Variants in LYPD6B observed in about 807,000 individuals in gnomAD.
LYPD6B encodes LY6/PLAUR domain containing 6B, also known as ly6/PLAUR domain-containing protein 6B.
LYPD6B carries 17 observed loss-of-function variants against 22.8 expected under a neutral mutation model. The ratio of observed to expected loss-of-function variants is 0.75; its 90% CI spans 0.51 to 1.12. The LOEUF (loss-of-function observed/expected upper bound fraction) is 1.12. Ranked by LOEUF, LYPD6B falls within the 50% of genes most tolerant of loss-of-function variation. The probability of loss-of-function intolerance (pLI) is 0.00; values close to 1 mark genes in which losing one functional copy is unlikely to be tolerated. For missense variants in LYPD6B, 221 were observed against 258.3 expected (o/e 0.86, Z 0.99); for synonymous variants, 106 against 91.6 (o/e 1.16, Z -0.90).
intron 2 of LYPD6B, among the ~76,000 whole-genome samples, chr2:149,141,783 C>A (rs1158862460): frequency 6.6e-6 from 1 of 152,146 alleles, no homozygotes; most frequent in African/African-American, 2.4e-5. Flanking sequence ...GTCTCATAGT[C>A]CTGGAGGTTA....
chr2:149,140,298 C>T (rs761743615), intron 2 of LYPD6B, among the ~76,000 whole-genome samples: 5 of 152,124 alleles, frequency 3.3e-5, no homozygotes, highest in African/African-American at 4.8e-5. Flanking sequence ...TGTGGTTCAG[C>T]GCTTTGCATG....
chr2:149,175,047 C>T (rs1691177461), intron 3 of LYPD6B, among the ~76,000 whole-genome samples: 1 of 134,080 alleles, frequency 7.5e-6, no homozygotes, highest in Non-Finnish European at 1.6e-5. Context: ...CTCTCTCTCT[C>T]TCTCTCTCTC....
intron 2 of LYPD6B, among the ~76,000 whole-genome samples, chr2:149,134,384 T>C (rs1688227594): frequency 6.6e-6 from 1 of 152,222 alleles, no homozygotes; most frequent in Non-Finnish European, 1.5e-5. Flanking sequence ...TCATTATATT[T>C]CGATTACATG....
At chr2:149,186,168 A>G (rs1030004523) in intron 3 of LYPD6B, among the ~76,000 whole-genome samples, 1 of 152,264 alleles carries the variant, frequency 6.6e-6, no homozygotes, top group Admixed American at 6.5e-5. Flanking sequence ...AGACAGGCTG[A>G]AAGCTCGGCC....
At chr2:149,103,209 A>T (rs183656263) in intron 1 of LYPD6B, among the ~76,000 whole-genome samples, 45 of 152,282 alleles carry the variant, frequency 3.0e-4, no homozygotes, top group Admixed American at 7.8e-4. Flanking sequence ...CATGGTGGAG[A>T]TGAGTGCAGT....
intron 2 of LYPD6B, among the ~76,000 whole-genome samples, chr2:149,144,436 G>T (rs1046204546): frequency 6.6e-5 from 10 of 152,106 alleles, no homozygotes; most frequent in African/African-American, 2.4e-4. Context: ...CTGTCACCCA[G>T]GCTGGAATGC....
chr2:149,138,856 A>C (rs758060137), intron 2 of LYPD6B, among the ~76,000 whole-genome samples: 5 of 152,246 alleles, frequency 3.3e-5, no homozygotes, highest in Non-Finnish European at 7.3e-5. Context: ...GGCCATCAGC[A>C]GAGGACTTTA....
intron 3 of LYPD6B, among the ~76,000 whole-genome samples, chr2:149,195,878 G>A (rs993962710): frequency 2.2e-4 from 33 of 152,218 alleles, no homozygotes; most frequent in Middle Eastern, 3.4e-3. Flanking sequence ...TACTGATAGG[G>A]AAACAGTCTC....
intron 3 of LYPD6B, among the ~76,000 whole-genome samples, chr2:149,178,598 A>C (rs886933670): frequency 1.3e-5 from 2 of 152,168 alleles, no homozygotes; most frequent in Admixed American, 6.5e-5. Flanking sequence ...TGGCAGCCTA[A>C]CTCACCTTGC....
At chr2:149,168,750 AAT>A (rs1690609520) in intron 3 of LYPD6B, among the ~76,000 whole-genome samples, 1 of 152,216 alleles carries the variant, frequency 6.6e-6, no homozygotes, top group South Asian at 2.1e-4. Context: ...TTTGGACAAT[AAT>A]ATAACCTGCA....
chr2:149,210,710 G>T (rs115783283), intron 5 of LYPD6B, among the ~76,000 whole-genome samples: 256 of 152,252 alleles, frequency 1.7e-3, no homozygotes, highest in African/African-American at 6.0e-3. Context: ...TGACTTTTTA[G>T]GGCTGCCTTA....
chr2:149,150,098 C>T (rs1418297178), intron 2 of LYPD6B, among the ~76,000 whole-genome samples: 1 of 152,178 alleles, frequency 6.6e-6, no homozygotes, highest in Non-Finnish European at 1.5e-5. Context: ...ATCACCTACT[C>T]CCTTCTTGTA....
At chr2:149,136,914 T>C in intron 2 of LYPD6B, among the ~76,000 whole-genome samples, 1 of 152,300 alleles carries the variant, frequency 6.6e-6, no homozygotes, top group Non-Finnish European at 1.5e-5. Context: ...TGGGCCAAGA[T>C]AGAGAAAGAG....
At chr2:149,146,533 T>A (rs1236208833) in intron 2 of LYPD6B, among the ~76,000 whole-genome samples, 5 of 151,818 alleles carry the variant, frequency 3.3e-5, no homozygotes, top group Admixed American at 6.6e-5. Flanking sequence ...GTGAAAGGAG[T>A]TTGCATTTGT....
rs79840220 is a variant in LYPD6B, at chr2:149,127,653, T to C, written c.-66-3230T>C. On this transcript the variant is annotated intron_variant, in intron 1 of 6. Transcript: ENST00000409642. ...TACTTTCTTGGGACATTTTCTTTAA[T>C]TTTTTGGTGGTCATAAATGCATTAT... Among the ~76,000 whole-genome samples, 330 of 152,338 alleles carry C rather than the reference T, an allele frequency of 2.2e-3. 3 individuals carry two copies. The highest frequency in any genetic ancestry group is 7.6e-3 in the African/African-American group (318 of 41,584).
chr2:149,212,641 TG>T (rs144539986), intron 5 of LYPD6B, among the ~76,000 whole-genome samples: 13 of 152,276 alleles, frequency 8.5e-5, no homozygotes, highest in African/African-American at 2.9e-4. Context: ...TTCGAGAACG[TG>T]CTTCAGAGGG....
chr2:149,110,941 G>T (rs146055168), intron 1 of LYPD6B, among the ~76,000 whole-genome samples: 1 of 152,172 alleles, frequency 6.6e-6, no homozygotes, highest in South Asian at 2.1e-4. Flanking sequence ...TCTCGAAAAG[G>T]TGATATTGAA....
chr2:149,213,218 C>T, intron 6 of LYPD6B, 96 bp downstream of exon 6: 1 of 1,457,044 alleles, frequency 6.9e-7, no homozygotes, highest in East Asian at 2.3e-5. Context: ...AATATGTGGA[C>T]CATGTTTACA....
intron 1 of LYPD6B, among the ~76,000 whole-genome samples, chr2:149,068,277 GA>G (rs1258943208): frequency 6.6e-6 from 1 of 151,880 alleles, no homozygotes; most frequent in Non-Finnish European, 1.5e-5. Context: ...TATGTTAAAT[GA>G]AAAACTTGGT....
Sources: allele counts gnomAD v4.1 joint callset (sites outside exome capture counted in the v4.1 genomes callset), GRCh38; gene constraint gnomAD v4.1.1; transcripts MANE v1.5; gene names NCBI Gene and HGNC (gene_info 2026-07-23, HGNC 2026-07-21).